The following PDE4D variants were observed in gnomAD, a reference collection of about 807,000 sequenced individuals.
The protein encoded by PDE4D is phosphodiesterase 4D.
Under a neutral mutation model 87.4 loss-of-function variants are expected in PDE4D, and 24 were observed. That is an observed-to-expected ratio of 0.27 (90% confidence interval 0.20 to 0.39). PDE4D has a LOEUF of 0.39. Ranked by LOEUF, PDE4D falls within the 10% of genes least tolerant of loss-of-function variation. The probability of loss-of-function intolerance (pLI) is 1.00; values close to 1 mark genes in which losing one functional copy is unlikely to be tolerated. For missense variants in PDE4D, 714 were observed against 1,041.0 expected (o/e 0.69, Z 4.32); for synonymous variants, 384 against 383.2 (o/e 1.00, Z -0.02).
chr5:60,139,270 T>C (rs901420811), intron 2 of PDE4D, among the ~76,000 whole-genome samples: 5 of 152,098 alleles, frequency 3.3e-5, no homozygotes, highest in African/African-American at 1.2e-4. Context: ...GAAGGATTAG[T>C]TACAAAATGG....
intron 3 of PDE4D, among the ~76,000 whole-genome samples, chr5:59,927,800 T>C (rs1755453964): frequency 6.6e-6 from 1 of 152,220 alleles, no homozygotes; most frequent in African/African-American, 2.4e-5. Flanking sequence ...ATATTCTACA[T>C]CACTTATACT....
At chr5:59,594,552 C>T (rs1216556347) in intron 1 of PDE4D, among the ~76,000 whole-genome samples, 4 of 152,026 alleles carry the variant, frequency 2.6e-5, no homozygotes, top group Non-Finnish European at 5.9e-5. Flanking sequence ...ACCTCCTGAC[C>T]TCAGGTGATC....
At chr5:60,109,227 A>T (rs1455187069) in intron 2 of PDE4D, among the ~76,000 whole-genome samples, 4 of 152,256 alleles carry the variant, frequency 2.6e-5, no homozygotes, top group Non-Finnish European at 4.4e-5. Context: ...TCTCAAAAGA[A>T]GACATTTATG....
chr5:59,347,049 G>C (rs1779727489), intron 1 of PDE4D, among the ~76,000 whole-genome samples: 1 of 152,118 alleles, frequency 6.6e-6, no homozygotes, highest in African/African-American at 2.4e-5. Flanking sequence ...TCTTTCACTA[G>C]AGAATGTACT....
intron 1 of PDE4D, among the ~76,000 whole-genome samples, chr5:59,594,753 T>C (rs295948): frequency 0.73 from 110,922 of 152,190 alleles, 40,700 homozygotes; most frequent in African/African-American, 0.81. Flanking sequence ...GCATCAGAAC[T>C]AGACATGCCA....
chr5:60,249,215 C>T (rs1562257675), intron 1 of PDE4D, among the ~76,000 whole-genome samples: 1 of 152,016 alleles, frequency 6.6e-6, no homozygotes, highest in South Asian at 2.1e-4. Flanking sequence ...CTGACCACAG[C>T]TTAATGGCTT....
intron 1 of PDE4D, among the ~76,000 whole-genome samples, chr5:59,387,272 G>C (rs1051519607): frequency 2.0e-5 from 3 of 152,042 alleles, no homozygotes; most frequent in Non-Finnish European, 4.4e-5. Flanking sequence ...TAATATATCA[G>C]TTTAATTTTA....
chr5:60,449,404 AACACCGCAT>A (rs1171854693), intron 1 of PDE4D, among the ~76,000 whole-genome samples: 1 of 150,350 alleles, frequency 6.7e-6, no homozygotes, highest in Non-Finnish European at 1.5e-5. Context: ...CAAAAAACCA[AACACCGCAT>A]ATTCTCACTC....
chr5:59,108,178 C>A (rs7713369), intron 5 of PDE4D, among the ~76,000 whole-genome samples: 6,863 of 152,266 alleles, frequency 0.045, 511 homozygotes, highest in African/African-American at 0.16. Context: ...ATCACTACTG[C>A]CTTTTGATAA....
At chr5:60,138,943 G>GT (rs1221139058) in intron 2 of PDE4D, among the ~76,000 whole-genome samples, 8 of 151,730 alleles carry the variant, frequency 5.3e-5, no homozygotes, top group Non-Finnish European at 8.8e-5. Flanking sequence ...GGTTTTTTGG[G>GT]GTTTTTTTGT....
chr5:59,678,533 T>C (rs1748489050), intron 1 of PDE4D, among the ~76,000 whole-genome samples: 1 of 152,146 alleles, frequency 6.6e-6, no homozygotes, highest in African/African-American at 2.4e-5. Flanking sequence ...TGGCACCATT[T>C]CGGCTCACTG....
chr5:59,313,926 G>A (rs1581909030), intron 1 of PDE4D, among the ~76,000 whole-genome samples: 1 of 152,124 alleles, frequency 6.6e-6, no homozygotes, highest in Non-Finnish European at 1.5e-5. Flanking sequence ...AACCTTGAGA[G>A]GCTTCTGAAC....
At chr5:59,915,547 A>G (rs1211006371) in intron 3 of PDE4D, among the ~76,000 whole-genome samples, 1 of 152,202 alleles carries the variant, frequency 6.6e-6, no homozygotes, top group East Asian at 1.9e-4. Context: ...CCTTAGTTTT[A>G]CAGTTTGTTT....
intron 1 of PDE4D, among the ~76,000 whole-genome samples, chr5:59,427,932 G>T (rs1039864946): frequency 6.6e-6 from 1 of 151,716 alleles, no homozygotes; most frequent in African/African-American, 2.4e-5. Flanking sequence ...ACAATTTACA[G>T]AGGCTACCAA....
intron 6 of PDE4D, among the ~76,000 whole-genome samples, chr5:59,037,579 A>T (rs1217047657): frequency 4.6e-5 from 7 of 152,178 alleles, no homozygotes; most frequent in African/African-American, 1.2e-4. Flanking sequence ...AGCTGTGCCA[A>T]ATTTAGAAAT....
chr5:59,336,877 A>G (rs1777750476), intron 1 of PDE4D, among the ~76,000 whole-genome samples: 1 of 152,178 alleles, frequency 6.6e-6, no homozygotes, highest in African/African-American at 2.4e-5. Flanking sequence ...GCTTCCTGAC[A>G]CAAGACATAG....
chr5:59,030,211 T>C (rs1757093337), intron 6 of PDE4D, among the ~76,000 whole-genome samples: 1 of 151,902 alleles, frequency 6.6e-6, no homozygotes, highest in South Asian at 2.1e-4. Context: ...AAAAAGTACC[T>C]GCACAAGCAA....
intron 1 of PDE4D, among the ~76,000 whole-genome samples, chr5:60,421,918 T>G (rs1020865419): frequency 2.6e-5 from 4 of 152,220 alleles, no homozygotes; most frequent in African/African-American, 9.7e-5. Context: ...AATAGCCTGT[T>G]AGATCAAGTC....
intron 1 of PDE4D, among the ~76,000 whole-genome samples, chr5:59,742,079 T>C (rs777657476): frequency 6.6e-6 from 1 of 151,996 alleles, no homozygotes; most frequent in African/African-American, 2.4e-5. Context: ...GAGGGTAGGG[T>C]GTGGATGGAG....
Sources: gnomAD v4.1 joint callset for allele counts (sites outside exome capture counted in the v4.1 genomes callset) on GRCh38, gnomAD v4.1.1 for gene constraint, MANE v1.5 for transcripts, NCBI Gene and HGNC (gene_info 2026-07-23, HGNC 2026-07-21) for gene names.